TMEM178B: variants seen among roughly 807,000 people sequenced by gnomAD.
The protein encoded by TMEM178B is transmembrane protein 178B.
In TMEM178B, 5 loss-of-function variants were observed where a neutral mutation model predicts 31.0. That is an observed-to-expected ratio of 0.16 (90% CI 0.08 to 0.34). The LOEUF (loss-of-function observed/expected upper bound fraction) is 0.34. TMEM178B is among the 10% of genes least tolerant of loss of function. The pLI is 1.00. For missense variants in TMEM178B, 275 were observed against 400.3 expected, an observed-to-expected ratio of 0.69 and a Z score of 2.67; for synonymous variants, 164 against 164.0, an observed-to-expected ratio of 1.00 and a Z score of 0.00.
rs543826314 is a variant in TMEM178B at position 141,334,956 on chromosome 7, G to A, written c.497-102652G>A. On this transcript the variant is annotated intron_variant, in intron 2 of 3. Transcript: ENST00000565468. ...ATCCAGGGCAGGTCCTAGGAGAAGT[G>A]GGGAGAAAAACCAGTCTGGAGGATC... is the stretch of plus-strand genomic sequence containing the variant. Among the ~76,000 whole-genome samples, 13 of 152,324 alleles carry A rather than the reference G, an allele frequency of 8.5e-5. No individual in the cohort carries two copies. In the East Asian group the frequency reaches 2.1e-3, roughly 25 times the overall value.
intron 2 of TMEM178B, among the ~76,000 whole-genome samples, chr7:141,273,462 T>C (rs1798217267): frequency 6.6e-6 from 1 of 152,178 alleles, no homozygotes; most frequent in African/African-American, 2.4e-5. Flanking sequence ...TGTTAAACCC[T>C]GAGGGTCCTT....
chr7:141,143,926 T>C (rs1795813078), intron 1 of TMEM178B, among the ~76,000 whole-genome samples: 1 of 152,232 alleles, frequency 6.6e-6, no homozygotes, highest in Admixed American at 6.5e-5. Flanking sequence ...TGTAGAGATC[T>C]TTCATCTCTT....
chr7:141,453,044 G>C (rs1287054907), intron 3 of TMEM178B, among the ~76,000 whole-genome samples: 1 of 152,226 alleles, frequency 6.6e-6, no homozygotes, highest in East Asian at 1.9e-4. Context: ...GCCTGAAGCT[G>C]TTGTCAAGGC....
At chr7:141,401,312 A>T (rs1800760554) in intron 2 of TMEM178B, among the ~76,000 whole-genome samples, 1 of 152,260 alleles carries the variant, frequency 6.6e-6, no homozygotes, top group African/African-American at 2.4e-5. Flanking sequence ...TTAAAATAAC[A>T]TTTAAAATAT....
At chr7:141,391,599 A>G (rs142339565) in intron 2 of TMEM178B, among the ~76,000 whole-genome samples, 35 of 152,254 alleles carry the variant, frequency 2.3e-4, no homozygotes, top group African/African-American at 7.2e-4. Flanking sequence ...GCACATTCAC[A>G]TTGCTGTGCG....
chr7:141,456,858 G>C (rs971056293), intron 3 of TMEM178B, among the ~76,000 whole-genome samples: 3 of 152,202 alleles, frequency 2.0e-5, no homozygotes, highest in Non-Finnish European at 4.4e-5. Context: ...ACAGCTTGAG[G>C]ATGCTCCTTA....
At chr7:141,288,294 C>G (rs1403451964) in intron 2 of TMEM178B, among the ~76,000 whole-genome samples, 3 of 151,936 alleles carry the variant, frequency 2.0e-5, no homozygotes, top group Non-Finnish European at 4.4e-5. Flanking sequence ...GTTGGCCTGC[C>G]TAGCCATGGG....
intron 2 of TMEM178B, among the ~76,000 whole-genome samples, chr7:141,304,220 A>G (rs1586881415): frequency 6.6e-6 from 1 of 152,042 alleles, no homozygotes; most frequent in African/African-American, 2.4e-5. Context: ...TTATCTTCCC[A>G]CCTGAAAGAT....
At chr7:141,462,386 G>A (rs1172877197) in intron 3 of TMEM178B, among the ~76,000 whole-genome samples, 1 of 152,132 alleles carries the variant, frequency 6.6e-6, no homozygotes, top group Non-Finnish European at 1.5e-5. Flanking sequence ...GGGATGGGGT[G>A]TAGAAAGAAA....
chr7:141,428,167 T>C (rs1801354374), intron 2 of TMEM178B, among the ~76,000 whole-genome samples: 1 of 151,634 alleles, frequency 6.6e-6, no homozygotes, highest in African/African-American at 2.4e-5. Context: ...AGAAAACACC[T>C]AGCCTGACCA....
intron 2 of TMEM178B, among the ~76,000 whole-genome samples, chr7:141,283,470 G>A (rs1294411062): frequency 6.6e-6 from 1 of 152,180 alleles, no homozygotes; most frequent in Non-Finnish European, 1.5e-5. Context: ...CTGCAGCAAG[G>A]GGATGGCATT....
At chr7:141,100,972 A>G (rs1795047010) in intron 1 of TMEM178B, among the ~76,000 whole-genome samples, 1 of 152,258 alleles carries the variant, frequency 6.6e-6, no homozygotes, top group Non-Finnish European at 1.5e-5. Context: ...AGATGCCGTC[A>G]AAGAATCTGG....
intron 2 of TMEM178B, among the ~76,000 whole-genome samples, chr7:141,256,192 C>T (rs1017974413): frequency 6.6e-6 from 1 of 152,130 alleles, no homozygotes; most frequent in African/African-American, 2.4e-5. Flanking sequence ...ACAAAATAGA[C>T]GTTCTTAGCT....
chr7:141,271,157 G>A (rs1226079950), intron 2 of TMEM178B, among the ~76,000 whole-genome samples: 1 of 152,196 alleles, frequency 6.6e-6, no homozygotes, highest in Non-Finnish European at 1.5e-5. Context: ...GAGACATGCA[G>A]CTGTATCTGG....
rs1202744836 is a variant in TMEM178B, at chr7:141,074,720, T to TGCGGAGAGCCCGGCGCCTTTAGGCCCC, written c.382+31_382+57dup. 16 of 1,450,590 alleles carry TGCGGAGAGCCCGGCGCCTTTAGGCCCC rather than the reference T, an allele frequency of 1.1e-5. No homozygotes were observed. The East Asian group carries it at 2.0e-4, about 18-fold the overall frequency. 89.9% of individuals were successfully genotyped at this position (1,450,590 alleles called of 1,614,324 possible). ...AAGCGCCGGGCGCAAGGCGTGGCGC[T>TGCGGAGAGCCCGGCGCCTTTAGGCCCC]GCGGAGAGCCCGGCGCCTTTAGGCC... On this transcript the variant is annotated intron_variant, in intron 1 of 3. Transcript: ENST00000565468. This position sits in a 1 kb window ranked among gnomAD's most constrained non-coding sequence, Gnocchi z 5.1.
the TMEM178B span, among the ~76,000 whole-genome samples, chr7:141,494,634 T>A: frequency 6.6e-6 from 1 of 152,214 alleles, no homozygotes; most frequent in African/African-American, 2.4e-5. Flanking sequence ...CCCAGAACAG[T>A]GGTTCATGCC....
chr7:141,269,231 C>T (rs2116375716), intron 2 of TMEM178B, among the ~76,000 whole-genome samples: 1 of 151,976 alleles, frequency 6.6e-6, no homozygotes, highest in East Asian at 1.9e-4. Context: ...GCTGGGACTA[C>T]AGGTGCACGC....
chr7:141,426,294 G>A (rs915868737), intron 2 of TMEM178B, among the ~76,000 whole-genome samples: 9 of 152,192 alleles, frequency 5.9e-5, no homozygotes, highest in African/African-American at 2.2e-4. Flanking sequence ...GTCAGGCAGT[G>A]CTCTGGAGAC....
chr7:141,192,211 A>G (rs1796707953), intron 1 of TMEM178B, among the ~76,000 whole-genome samples: 1 of 152,204 alleles, frequency 6.6e-6, no homozygotes, highest in Non-Finnish European at 1.5e-5. Context: ...AGAGAGGCAG[A>G]GCCCTACTGG....
Sources: allele counts gnomAD v4.1 joint callset (sites outside exome capture counted in the v4.1 genomes callset), GRCh38; gene constraint gnomAD v4.1.1; non-coding constraint Gnocchi (gnomAD v3.1); transcripts MANE v1.5; gene names NCBI Gene and HGNC (gene_info 2026-07-23, HGNC 2026-07-21).